The following GRIN2A variants were observed in gnomAD, a reference collection of about 807,000 sequenced individuals.
GRIN2A encodes the protein glutamate ionotropic receptor NMDA type subunit 2A.
In GRIN2A, 22 loss-of-function variants were observed where a neutral mutation model predicts 113.4. That is an observed-to-expected ratio of 0.19 (90% CI 0.14 to 0.28). The LOEUF is 0.28. GRIN2A is among the 10% of genes least tolerant of loss of function. The pLI is 1.00. For missense variants in GRIN2A, 1,502 were observed against 1,887.0 expected, an observed-to-expected ratio of 0.80 and a Z score of 3.78; for synonymous variants, 827 against 738.4, an observed-to-expected ratio of 1.12 and a Z score of -1.94.
chr16:10,033,023 C>A (rs1305402828), intron 2 of GRIN2A, among the ~76,000 whole-genome samples: 3 of 152,180 alleles, frequency 2.0e-5, no homozygotes, highest in African/African-American at 7.2e-5. Context: ...ACAGGTGCCC[C>A]AGCTGGTTTG....
chr16:10,007,606 G>T (rs1281013665), intron 2 of GRIN2A, among the ~76,000 whole-genome samples: 1 of 152,010 alleles, frequency 6.6e-6, no homozygotes, highest in East Asian at 1.9e-4. Context: ...TTGACCGTTT[G>T]CTGTGCAGAA....
At chr16:9,797,514 C>T (rs1903072731) in intron 11 of GRIN2A, among the ~76,000 whole-genome samples, 1 of 152,212 alleles carries the variant, frequency 6.6e-6, no homozygotes, top group African/African-American at 2.4e-5. Context: ...ATAAATGCCA[C>T]AGTCTCATTA....
intron 10 of GRIN2A, among the ~76,000 whole-genome samples, chr16:9,803,331 C>T (rs2041902751): frequency 6.6e-6 from 1 of 151,810 alleles, no homozygotes; most frequent in Non-Finnish European, 1.5e-5. Flanking sequence ...CTATTGAACC[C>T]GGGAGGCAGA....
intron 2 of GRIN2A, among the ~76,000 whole-genome samples, chr16:10,013,680 G>T (rs1232994481): frequency 6.6e-6 from 1 of 152,178 alleles, no homozygotes; most frequent in Non-Finnish European, 1.5e-5. Flanking sequence ...ATCCTCCTGG[G>T]TCAGGAGCAA....
At chr16:10,131,996 G>T (rs990398870) in intron 2 of GRIN2A, among the ~76,000 whole-genome samples, 1 of 152,186 alleles carries the variant, frequency 6.6e-6, no homozygotes, top group African/African-American at 2.4e-5. Flanking sequence ...CTAAAAAAAA[G>T]TATTATAATC....
At chr16:10,126,476 C>T (rs980019769) in intron 2 of GRIN2A, among the ~76,000 whole-genome samples, 3 of 152,126 alleles carry the variant, frequency 2.0e-5, no homozygotes, top group South Asian at 2.1e-4. Flanking sequence ...GTTTCATTAC[C>T]GTATTTCAAA....
chr16:9,764,615 T>G lies in GRIN2A; in HGVS notation c.2929A>C (p.Asn977His), dbSNP rs776506065. 8.1e-6 allele frequency: 13 copies of G among 1,614,006 alleles called. No individual in the cohort carries two copies. Among genetic ancestry groups the G allele is most frequent in the Middle Eastern group, 1.6e-4 (1 of 6,084 alleles). ...GGATGTTGTCCCTGGAATACATAGT[T>G]ATTGAGGTTATCCTTCTGCCGGTTG... ...VANRQKDNLN[N>H]YVFQGQHPLT... The change falls in exon 13 of 13, where the codon AAC becomes CAC. Residue 977 changes from asparagine (N) to histidine (H), a missense_variant. Around this residue, in one of 7 missense-constraint regions of GRIN2A, gnomAD observed 832 missense variants for 789.7 expected, o/e 1.05. Coordinates refer to ENST00000330684, the MANE Select transcript of GRIN2A (RefSeq NM_001134407.3).
chr16:10,173,578 C>T (rs2050085518), intron 2 of GRIN2A, among the ~76,000 whole-genome samples: 1 of 152,226 alleles, frequency 6.6e-6, no homozygotes, highest in African/African-American at 2.4e-5. Flanking sequence ...CTCCAACAAG[C>T]TGGCATCGGA....
In GRIN2A at chr16:9,808,205, G is replaced by A. The variant is rs143238096; in HGVS notation, c.2169-9741C>T. Among the ~76,000 whole-genome samples, 72 of 152,224 alleles carry A rather than the reference G, an allele frequency of 4.7e-4. 1 individual carries two copies. Among genetic ancestry groups the A allele is most frequent in the African/African-American group, 1.5e-3 (63 of 41,528 alleles). On this transcript the variant is annotated intron_variant, in intron 10 of 12. Transcript: ENST00000330684. ...TGTGCTGGACACTGCACTCTTTGCC[G>A]GAATATCTCATTTAATCTTTACAGT...
intron 10 of GRIN2A, among the ~76,000 whole-genome samples, chr16:9,802,869 G>A (rs1596436389): frequency 6.6e-6 from 1 of 152,252 alleles, no homozygotes; most frequent in Non-Finnish European, 1.5e-5. Context: ...ACGTGCCTAT[G>A]GGCTATTGCG....
At chr16:9,937,929 C>T in intron 3 of GRIN2A, 30 bp downstream of exon 3, 2 of 1,502,604 alleles carry the variant, frequency 1.3e-6, no homozygotes, top group East Asian at 4.5e-5. Flanking sequence ...ACTCTGATCC[C>T]ACTTTGGGAG....
chr16:10,035,103 A>G (rs555531242), intron 2 of GRIN2A, among the ~76,000 whole-genome samples: 36 of 151,802 alleles, frequency 2.4e-4, no homozygotes, highest in Admixed American at 2.3e-3. Context: ...ACAACTCACT[A>G]CAGCCTTGAA....
At chr16:9,799,414 G>T (rs1486768729) in intron 10 of GRIN2A, among the ~76,000 whole-genome samples, 4 of 152,218 alleles carry the variant, frequency 2.6e-5, no homozygotes, top group Non-Finnish European at 4.4e-5. Flanking sequence ...AGCCTTCGGT[G>T]GAAGCGTGGT....
intron 2 of GRIN2A, among the ~76,000 whole-genome samples, chr16:10,166,993 A>T (rs1212131586): frequency 6.6e-6 from 1 of 152,172 alleles, no homozygotes; most frequent in Non-Finnish European, 1.5e-5. Flanking sequence ...GTATTAATTG[A>T]CTGTCTATGT....
Position 9,764,561 on chromosome 16 carries a change from T to C in GRIN2A, c.2983A>G (p.Thr995Ala), listed in dbSNP as rs749438401. The change falls in exon 13 of 13, where the codon ACG becomes GCG. Residue 995 changes from threonine to alanine, a missense_variant. By Grantham distance (58) the Thr-to-Ala change is moderately conservative. Coordinates refer to ENST00000330684, the MANE Select transcript of GRIN2A (RefSeq NM_001134407.3). ...PLTLNESNPN[T>A]VEVAVSTESK... is the part of the protein sequence containing the mutation. ...TCTGTGCTCACGGCCACCTCCACCGTGTTAGGGTTGGACTCATTGAGAGTA... is the reference window on the plus strand; with the variant it reads ...TCTGTGCTCACGGCCACCTCCACCGCGTTAGGGTTGGACTCATTGAGAGTA... 1.2e-6 allele frequency: 2 copies of C among 1,613,868 alleles called. No individual in the cohort carries two copies. The highest frequency in any genetic ancestry group is 2.2e-5 in the South Asian group (2 of 91,074).
At chr16:10,169,771 T>G (rs567880002) in intron 2 of GRIN2A, among the ~76,000 whole-genome samples, 1 of 152,318 alleles carries the variant, frequency 6.6e-6, no homozygotes. Context: ...TACTTGCACC[T>G]GAAAGCACTC....
At chr16:9,984,674 C>G (rs536404856) in intron 2 of GRIN2A, among the ~76,000 whole-genome samples, 8 of 152,330 alleles carry the variant, frequency 5.3e-5, no homozygotes, top group African/African-American at 1.7e-4. Context: ...TTCCCAAACT[C>G]TCAGAGGCAT....
chr16:10,131,272 G>C (rs1329443635), intron 2 of GRIN2A, among the ~76,000 whole-genome samples: 1 of 152,152 alleles, frequency 6.6e-6, no homozygotes, highest in Non-Finnish European at 1.5e-5. Context: ...GGCTGTAGTA[G>C]TGAGGGGCCA....
intron 11 of GRIN2A, among the ~76,000 whole-genome samples, chr16:9,784,780 G>C (rs1902131232): frequency 6.6e-6 from 1 of 152,200 alleles, no homozygotes; most frequent in Non-Finnish European, 1.5e-5. Context: ...AGTGGGTGAA[G>C]CATATGAACA....
Sources: gnomAD v4.1 joint callset for allele counts (sites outside exome capture counted in the v4.1 genomes callset) on GRCh38, gnomAD v4.1.1 for gene constraint, gnomAD v4.1.1 regional missense constraint, MANE v1.5 for transcripts, NCBI Gene and HGNC (gene_info 2026-07-23, HGNC 2026-07-21) for gene names.